Variants in CAPZA1 observed in about 807,000 individuals in gnomAD.
CAPZA1 encodes F-actin-capping protein subunit alpha-1.
Under a neutral mutation model 40.8 loss-of-function variants are expected in CAPZA1, and 10 were observed. The ratio of observed to expected loss-of-function variants is 0.25; its 90% CI spans 0.15 to 0.42. The LOEUF (loss-of-function observed/expected upper bound fraction) is 0.42, where lower values mean the gene tolerates loss of function less well. CAPZA1 is among the 10% of genes least tolerant of loss of function. CAPZA1 has a pLI of 1.00. For synonymous variants in CAPZA1, 98 were observed against 115.0 expected, an observed-to-expected ratio of 0.85 and a Z score of 0.95; for missense variants, 277 against 353.8, an observed-to-expected ratio of 0.78 and a Z score of 1.74.
intron 8 of CAPZA1, among the ~76,000 whole-genome samples, chr1:112,668,493 T>C (rs1450700734): frequency 6.6e-6 from 1 of 152,126 alleles, no homozygotes; most frequent in African/African-American, 2.4e-5. Context: ...TGTTTTTTGC[T>C]TGTTTGTTTG....
chr1:112,620,591 A>G (rs1670606355), intron 1 of CAPZA1: 1 of 152,212 alleles, frequency 6.6e-6, no homozygotes, highest in East Asian at 1.9e-4. Flanking sequence ...AATCTAGAAT[A>G]GCTGATGGAT....
chr1:112,668,770 C>T (rs1006658182), intron 8 of CAPZA1, among the ~76,000 whole-genome samples: 1 of 152,304 alleles, frequency 6.6e-6, no homozygotes, highest in Non-Finnish European at 1.5e-5. Context: ...AGCCACTGTA[C>T]CTGGCCTCTG....
intron 1 of CAPZA1, among the ~76,000 whole-genome samples, chr1:112,645,644 T>G (rs1671264264): frequency 1.5e-5 from 2 of 129,996 alleles, no homozygotes; most frequent in African/African-American, 5.8e-5. Flanking sequence ...TGAGAAAAAA[T>G]AACTACAAAA....
chr1:112,660,172 A>G (rs1356716954), intron 7 of CAPZA1, among the ~76,000 whole-genome samples: 3 of 152,054 alleles, frequency 2.0e-5, no homozygotes, highest in Non-Finnish European at 4.4e-5. Flanking sequence ...TCCACCTCCC[A>G]GCCCAGGCTG....
In CAPZA1 at chr1:112,670,089, A is replaced by G; in HGVS notation, c.818A>G (p.Lys273Arg). The G allele has an allele frequency of 6.2e-7, 1 of 1,614,012 alleles. No individual in the cohort carries two copies. The highest frequency in any genetic ancestry group is 8.5e-7 in the Non-Finnish European group (1 of 1,179,862). The change falls in exon 10 of 10, where the codon AAG becomes AGG. Residue 273 changes from lysine (K) to arginine (R), a missense_variant. Physicochemically the swap from Lys to Arg is conservative, Grantham distance 26. Around this residue, in one of 2 missense-constraint regions of CAPZA1, gnomAD observed 192 missense variants for 277.2 expected, o/e 0.69. Transcript: ENST00000263168. ...ACCCGCACCAAAATCGACTGGAACA[A>G]GATACTCAGCTACAAGATTGGCAAA... ...PVTRTKIDWN[K>R]ILSYKIGKEM...
chr1:112,661,856 T>C (rs1195575618), intron 7 of CAPZA1, among the ~76,000 whole-genome samples: 1 of 152,242 alleles, frequency 6.6e-6, no homozygotes. Context: ...TAAGCACAGA[T>C]TGAGCACACT....
intron 8 of CAPZA1, among the ~76,000 whole-genome samples, chr1:112,667,419 A>G (rs1015598143): frequency 1.3e-5 from 2 of 152,228 alleles, no homozygotes; most frequent in African/African-American, 4.8e-5. Context: ...CCTTCATTCA[A>G]TAAATACCAA....
At chr1:112,637,124 C>T (rs1174855033) in intron 1 of CAPZA1, among the ~76,000 whole-genome samples, 4 of 152,184 alleles carry the variant, frequency 2.6e-5, no homozygotes, top group East Asian at 3.8e-4. Flanking sequence ...ACAATTCCAG[C>T]TCCACCCATT....
intron 7 of CAPZA1, among the ~76,000 whole-genome samples, chr1:112,660,172 A>C (rs1356716954): frequency 6.6e-6 from 1 of 152,054 alleles, no homozygotes; most frequent in East Asian, 1.9e-4. Context: ...TCCACCTCCC[A>C]GCCCAGGCTG....
intron 1 of CAPZA1, among the ~76,000 whole-genome samples, chr1:112,639,038 A>G (rs1030625393): frequency 2.0e-5 from 3 of 149,576 alleles, no homozygotes; most frequent in East Asian, 3.9e-4. Context: ...TATTATGTCT[A>G]CTACTTAAAG....
chr1:112,621,689 T>G (rs1216083887), intron 1 of CAPZA1, among the ~76,000 whole-genome samples: 1 of 152,178 alleles, frequency 6.6e-6, no homozygotes, highest in Non-Finnish European at 1.5e-5. Flanking sequence ...AATATATATT[T>G]TAAAATGCCA....
rs1671547099 is a variant in CAPZA1, at chr1:112,658,901, A to G, written c.427-121A>G. ...TATCCCATGTGCACTATTGTGTTCTAAGCTCATTTTATGTGATTCTTTGTC... is the reference window on the plus strand; with the variant it reads ...TATCCCATGTGCACTATTGTGTTCTGAGCTCATTTTATGTGATTCTTTGTC... On this transcript the variant is annotated intron_variant, in intron 5 of 9. Transcript: ENST00000263168. 3 of 731,236 alleles carry G rather than the reference A, an allele frequency of 4.1e-6. No individual in the cohort carries two copies. In the South Asian group the frequency reaches 4.8e-5, roughly 12 times the overall value. 45.3% of individuals were successfully genotyped at this position (731,236 alleles called of 1,614,324 possible). A position where few individuals can be genotyped will look rare whatever the true frequency, so the allele number is the denominator to read the frequency against.
intron 1 of CAPZA1, among the ~76,000 whole-genome samples, chr1:112,644,919 A>G (rs1671253231): frequency 6.6e-6 from 1 of 152,246 alleles, no homozygotes; most frequent in African/African-American, 2.4e-5. Flanking sequence ...GAAAGGATCC[A>G]GAACAGTCTT....
At chr1:112,668,353 T>C (rs1671767649) in intron 8 of CAPZA1, among the ~76,000 whole-genome samples, 1 of 152,250 alleles carries the variant, frequency 6.6e-6, no homozygotes, top group Non-Finnish European at 1.5e-5. Context: ...AACCCATTAC[T>C]TGTTAATAAG....
intron 1 of CAPZA1, among the ~76,000 whole-genome samples, chr1:112,632,264 C>T (rs184434228): frequency 9.5e-4 from 145 of 152,182 alleles, no homozygotes; most frequent in African/African-American, 3.2e-3. Context: ...GCCAACATCA[C>T]GCCACTGCAC....
chr1:112,659,584 C>CTTTTTTTTTTTT, intron 6 of CAPZA1, 117 bp from the exon 7 acceptor site: 1 of 373,382 alleles, frequency 2.7e-6, no homozygotes, highest in Non-Finnish European at 4.3e-6. Flanking sequence ...TTCTCTCTCT[C>CTTTTTTTTTTTT]TCTTTTTTTT....
Position 112,654,638 on chromosome 1 carries a change from T to C in CAPZA1, c.393T>C (p.Tyr131=). The change falls in exon 5 of 10, where the codon TAT becomes TAC. Residue 131 remains tyrosine, a synonymous_variant. Transcript: ENST00000263168. ...CCTGTGACAGTGCTTTAAGAGCCTA[T>C]GTGAAAGACCATTATTCCAACGGCT... The part of the protein sequence containing the change: ...RESCDSALRA[Y]VKDHYSNGFC... 1 of 1,613,106 alleles carries C rather than the reference T, an allele frequency of 6.2e-7. No homozygotes were observed. Among genetic ancestry groups the C allele is most frequent in the South Asian group, 1.1e-5 (1 of 91,000 alleles).
At chr1:112,658,107 G>A (rs567005554) in intron 5 of CAPZA1, among the ~76,000 whole-genome samples, 6 of 152,174 alleles carry the variant, frequency 3.9e-5, no homozygotes, top group African/African-American at 1.4e-4. Context: ...AGATAACACT[G>A]TATTTCATCA....
intron 1 of CAPZA1, among the ~76,000 whole-genome samples, chr1:112,635,718 G>A (rs1339477287): frequency 6.6e-6 from 1 of 152,048 alleles, no homozygotes; most frequent in African/African-American, 2.4e-5. Flanking sequence ...CACCGTGCCC[G>A]GCCCAAGGAA....
Sources: gnomAD v4.1 joint callset for allele counts (sites outside exome capture counted in the v4.1 genomes callset) on GRCh38, gnomAD v4.1.1 for gene constraint, gnomAD v4.1.1 regional missense constraint, MANE v1.5 for transcripts, NCBI Gene and HGNC (gene_info 2026-07-23, HGNC 2026-07-21) for gene names.